The following TRIML1 variants were observed in gnomAD, a reference collection of about 807,000 sequenced individuals.
The protein encoded by TRIML1 is tripartite motif family like 1, also known as probable E3 ubiquitin-protein ligase TRIML1.
In TRIML1, 34 loss-of-function variants were observed where a neutral mutation model predicts 32.3. The ratio of observed to expected loss-of-function variants is 1.05; its 90% CI spans 0.80 to 1.40. The LOEUF is 1.40. Among genes scored for constraint, TRIML1 ranks in the 40% most tolerant of loss-of-function variants. The probability of loss-of-function intolerance (pLI) is 0.00; values close to 1 mark genes in which losing one functional copy is unlikely to be tolerated. For missense variants in TRIML1, 595 were observed against 574.9 expected (o/e 1.03, Z -0.36); for synonymous variants, 244 against 226.6 (o/e 1.08, Z -0.69).
intron 5 of TRIML1, among the ~76,000 whole-genome samples, chr4:188,144,561 A>T (rs1413417933): frequency 7.0e-6 from 1 of 143,824 alleles, no homozygotes; most frequent in Admixed American, 7.0e-5. Context: ...ACGGGGTTTC[A>T]CTGTGTTAGC....
In TRIML1 at chr4:188,147,251, T is replaced by A; in HGVS notation, c.1286T>A (p.Ile429Asn). 2 of 1,598,792 alleles carry A rather than the reference T, an allele frequency of 1.3e-6. No individual in the cohort carries two copies. Among genetic ancestry groups the A allele is most frequent in the Non-Finnish European group, 8.5e-7 (1 of 1,172,140 alleles). The part of the protein sequence containing the change: ...AFYNGTDESL[I>N]YSFPQASFQE... ...TACAACGGGACGGATGAATCCCTCA[T>A]CTACAGCTTCCCGCAGGCTTCTTTC... is the stretch of plus-strand genomic sequence containing the variant. The change falls in exon 6 of 6, where the codon ATC becomes AAC. Residue 429 changes from isoleucine to asparagine, a missense_variant. Transcript: ENST00000332517.
chr4:188,142,508 T>C (rs1734902848), intron 3 of TRIML1, 26 bp downstream of exon 3: 4 of 1,557,584 alleles, frequency 2.6e-6, no homozygotes, highest in Non-Finnish European at 1.8e-6. Flanking sequence ...ATGAGAGTAA[T>C]GGGAAAAATT....
chr4:188,147,928 G>A (rs1735150255), downstream of TRIML1, among the ~76,000 whole-genome samples: 1 of 152,058 alleles, frequency 6.6e-6, no homozygotes, highest in Non-Finnish European at 1.5e-5. Flanking sequence ...TTTGTACTCA[G>A]GAAGGCTTAT....
Position 188,139,471 on chromosome 4 carries a change from G to C in TRIML1, c.-88G>C. 2.2e-6 allele frequency: 3 copies of C among 1,337,250 alleles called. No homozygotes were observed. The highest frequency in any genetic ancestry group is 3.1e-6 in the Non-Finnish European group (3 of 975,798). 82.8% of individuals were successfully genotyped at this position (1,337,250 alleles called of 1,614,324 possible). Reference sequence around the variant, plus strand: ...AACAACATAGGAACAGGTCACCCGCGTGTTACTCAAAACTGTAGGACGGCA... The same window carrying C: ...AACAACATAGGAACAGGTCACCCGCCTGTTACTCAAAACTGTAGGACGGCA... On this transcript the variant is annotated 5_prime_UTR_variant, in exon 1 of 6. Transcript: ENST00000332517.
chr4:188,149,121 G>A (rs982618021), downstream of TRIML1, among the ~76,000 whole-genome samples: 16 of 150,980 alleles, frequency 1.1e-4, no homozygotes, highest in Admixed American at 6.6e-4. Flanking sequence ...GGGTTTCACC[G>A]TGTTAGCCAG....
chr4:188,142,577 A>G, intron 3 of TRIML1, 95 bp downstream of exon 3: 1 of 1,008,858 alleles, frequency 9.9e-7, no homozygotes, highest in Non-Finnish European at 1.4e-6. Flanking sequence ...TCATCTTAAA[A>G]ACTAAGTTCT....
chr4:188,140,921 A>C, intron 2 of TRIML1: 1 of 216,838 alleles, frequency 4.6e-6, no homozygotes, highest in Non-Finnish European at 9.0e-6. Flanking sequence ...GACATGTAAC[A>C]TGAGACGGAA....
intron 5 of TRIML1, among the ~76,000 whole-genome samples, chr4:188,145,994 G>A (rs555778245): frequency 1.6e-4 from 24 of 152,260 alleles, no homozygotes; most frequent in African/African-American, 4.3e-4. Flanking sequence ...CTCAGTAACC[G>A]TGTAATCTTG....
At chr4:188,142,207 CGT>C (rs61461219) in intron 2 of TRIML1, 43 bp from the exon 3 acceptor site, 23,923 of 1,009,668 alleles carry the variant, frequency 0.024, 80 homozygotes, top group African/African-American at 0.036. Context: ...AACTTTATCT[CGT>C]GTGTGTGTGT....
In TRIML1 at chr4:188,139,746, C is replaced by T. The variant is rs753100096; in HGVS notation, c.188C>T (p.Pro63Leu). 55 of 1,613,816 alleles carry T rather than the reference C, an allele frequency of 3.4e-5. No individual in the cohort carries two copies. The highest frequency in any genetic ancestry group is 8.3e-5 in the Admixed American group (5 of 59,988). ...CPECWRTLEG[P>L]HFQSNERLGR... ...GAGTGCTGGAGGACCTTGGAGGGCC[C>T]GCATTTCCAGTCAAACGAGCGTCTG... The change falls in exon 1 of 6, where the codon CCG (proline) becomes CTG (leucine). Residue 63 changes from proline to leucine, a missense_variant. By Grantham distance (98) the Pro-to-Leu change is moderately conservative (BLOSUM62 -3). Transcript: ENST00000332517.
In TRIML1 at chr4:188,139,816, G is replaced by A. The variant is rs1188332006; in HGVS notation, c.258G>A (p.Leu86=). Residue 86 remains leucine (L), a synonymous_variant, in exon 1 of 6, where the codon CTG becomes CTA. Transcript: ENST00000332517. ...SIARQLRSQV[L]QSEDEQGSYG... ...CCAGGCAGCTCCGGTCCCAGGTGCT[G>A]CAGAGCGAGGATGAGCAGGGCAGCT... The A allele has an allele frequency of 5.6e-6, 9 of 1,613,990 alleles. No homozygotes were observed. The South Asian group carries it at 7.7e-5, about 14-fold the overall frequency.
chr4:188,140,477 C>A, intron 1 of TRIML1, 51 bp from the exon 2 acceptor site: 2 of 1,480,052 alleles, frequency 1.4e-6, no homozygotes, highest in Non-Finnish European at 1.9e-6. Context: ...AAAGCCCCTT[C>A]ATGACCTGGG....
chr4:188,140,491 C>G (rs965533022), intron 1 of TRIML1, 37 bp from the exon 2 acceptor site: 1 of 1,556,172 alleles, frequency 6.4e-7, no homozygotes, highest in Admixed American at 1.7e-5. Context: ...ACCTGGGACT[C>G]TGCTCATTTG....
chr4:188,139,082 G>C (rs1734749953), upstream of TRIML1, among the ~76,000 whole-genome samples: 1 of 152,206 alleles, frequency 6.6e-6, no homozygotes, highest in African/African-American at 2.4e-5. Flanking sequence ...GGTTTTATTA[G>C]TGGAGTTCCC....
rs1306667910 is a variant in TRIML1, at chr4:188,147,001, G to A, written c.1036G>A (p.Glu346Lys). ...CAGTGGGAGACACTACTGGGAGGTG[G>A]AGGTGGGAAACAAGACCGAGTGGGA... ...FTSGRHYWEV[E>K]VGNKTEWEVG... Residue 346 changes from glutamate to lysine, a missense_variant, in exon 6 of 6, where the codon GAG becomes AAG. Physicochemically the swap from Glu to Lys is moderately conservative, Grantham distance 56. Transcript: ENST00000332517. 1 of 1,592,902 alleles carries A rather than the reference G, an allele frequency of 6.3e-7. No homozygotes were observed. Among genetic ancestry groups the A allele is most frequent in the Non-Finnish European group, 8.6e-7 (1 of 1,168,812 alleles).
chr4:188,143,727 G>T, intron 3 of TRIML1, 111 bp from the exon 4 acceptor site: 1 of 1,315,824 alleles, frequency 7.6e-7, no homozygotes, highest in Non-Finnish European at 1.1e-6. Flanking sequence ...CTCATGGTGT[G>T]CTTCATGGGA....
chr4:188,144,465 C>T (rs1378220480), intron 5 of TRIML1, among the ~76,000 whole-genome samples: 1 of 147,682 alleles, frequency 6.8e-6, no homozygotes, highest in African/African-American at 2.5e-5. Flanking sequence ...CGGGTTCACG[C>T]CATTCTCCTG....
At position 188,147,028 on chromosome 4, in the gene TRIML1, G is replaced by A. The variant is rs1178192096; in HGVS notation, c.1063G>A (p.Val355Met). 1.2e-6 allele frequency: 2 copies of A among 1,607,674 alleles called. No individual in the cohort carries two copies. Among genetic ancestry groups the A allele is most frequent in the Admixed American group, 3.4e-5 (2 of 59,358 alleles). Residue 355 changes from valine to methionine, a missense_variant, in exon 6 of 6, where the codon GTG becomes ATG. Val to Met is a conservative substitution (Grantham distance 21, BLOSUM62 1). Transcript: ENST00000332517. The stretch of plus-strand genomic sequence containing the variant: ...GGTGGGAAACAAGACCGAGTGGGAA[G>A]TGGGCATCTGCAAGGACTCTGTGAG... Reference protein sequence around the residue: ...VEVGNKTEWEVGICKDSVSRK... With the variant: ...VEVGNKTEWEMGICKDSVSRK...
chr4:188,143,722 G>T, intron 3 of TRIML1, 116 bp from the exon 4 acceptor site: 1 of 1,243,894 alleles, frequency 8.0e-7, no homozygotes, highest in East Asian at 2.3e-5. Context: ...TCCCACTCAT[G>T]GTGTGCTTCA....
Sources: allele counts gnomAD v4.1 joint callset (sites outside exome capture counted in the v4.1 genomes callset), GRCh38; gene constraint gnomAD v4.1.1; transcripts MANE v1.5; gene names NCBI Gene and HGNC (gene_info 2026-07-23, HGNC 2026-07-21).